Variants in FOXJ3 observed in about 807,000 individuals in gnomAD.
FOXJ3 encodes forkhead box J3.
In FOXJ3, 22 loss-of-function variants were observed where a neutral mutation model predicts 76.1. The ratio of observed to expected loss-of-function variants is 0.29; its 90% confidence interval spans 0.21 to 0.41. The LOEUF (loss-of-function observed/expected upper bound fraction) is 0.41. Among genes scored for constraint, FOXJ3 ranks in the 10% least tolerant of loss-of-function variants. The probability of loss-of-function intolerance (pLI) is 1.00; values close to 1 mark genes in which losing one functional copy is unlikely to be tolerated. For missense variants in FOXJ3, 613 were observed against 762.1 expected (o/e 0.80, Z 2.30); for synonymous variants, 269 against 261.2 (o/e 1.03, Z -0.29).
At chr1:42,331,830 A>C (rs537955418) in intron 1 of FOXJ3, among the ~76,000 whole-genome samples, 1 of 125,758 alleles carries the variant, frequency 8.0e-6, no homozygotes, top group Middle Eastern at 3.9e-3. Context: ...AAGCTTTTTT[A>C]AAAAAAAAAA....
intron 5 of FOXJ3, among the ~76,000 whole-genome samples, chr1:42,217,454 G>A (rs374173973): frequency 9.3e-4 from 141 of 152,144 alleles, no homozygotes; most frequent in African/African-American, 2.7e-3. Context: ...GCTTGCACCC[G>A]GGAGGCAGAG....
rs1646850211 is a variant in FOXJ3, at chr1:42,205,812, T to C, written c.580A>G (p.Ile194Val). The change falls in exon 6 of 13, where the codon ATT becomes GTT. Residue 194 changes from isoleucine to valine, a missense_variant. Ile to Val is a conservative substitution (Grantham distance 29, BLOSUM62 3). Around this residue, in one of 3 missense-constraint regions of FOXJ3, gnomAD observed 526 missense variants for 601.4 expected, o/e 0.87. Coordinates refer to ENST00000361346, the MANE Select transcript of FOXJ3 (RefSeq NM_014947.5). The part of the protein sequence containing the change: ...DSDSLGMECI[I>V]SGSASPTLAI... ...AGAGTTGGAGAGGCACTTCCCGAAA[T>C]AATACACTCCATTCCCAAAGAATCT... 3 of 1,612,430 alleles carry C rather than the reference T, an allele frequency of 1.9e-6. No individual in the cohort carries two copies. Among genetic ancestry groups the C allele is most frequent in the Non-Finnish European group, 2.5e-6 (3 of 1,178,548 alleles).
rs766467744 is a variant in FOXJ3 at position 42,189,395 on chromosome 1, T to C, written c.1361A>G (p.Asn454Ser). 5.6e-6 allele frequency: 9 copies of C among 1,608,274 alleles called. No homozygotes were observed. The South Asian group carries it at 8.8e-5, about 16-fold the overall frequency. ...CATATCAAGTGTCGCATACCAATCA[T>C]TTGAAACACCTATAAAATATTGACA... ...QQVSCNSGVSNDWYATLDMLK... is the reference protein window; with the variant it reads ...QQVSCNSGVSSDWYATLDMLK... The change falls in exon 10 of 13, where the codon AAT becomes AGT. Residue 454 changes from asparagine to serine, a missense_variant. Asn to Ser is a conservative substitution (Grantham distance 46, BLOSUM62 1). This residue lies in a region of FOXJ3 where 526 missense variants were observed against 601.4 expected (regional missense o/e 0.87). Transcript: ENST00000361346.
intron 6 of FOXJ3, among the ~76,000 whole-genome samples, chr1:42,200,158 G>A (rs1229974658): frequency 6.6e-6 from 1 of 152,000 alleles, no homozygotes; most frequent in Non-Finnish European, 1.5e-5. Flanking sequence ...CTGATACACT[G>A]TATGACCAGC....
chr1:42,275,013 A>T lies in FOXJ3; in HGVS notation c.369+3335T>A, dbSNP rs72952389. ...GGCGAGAAGTATATGAAAGGAAGGT[A>T]CAAAAAATAAAGCTGAAAAGGTAGA... On this transcript the variant is annotated intron_variant, in intron 3 of 12. Transcript: ENST00000361346. Among the ~76,000 whole-genome samples the T allele has an allele frequency of 4.2e-3, 636 of 152,324 alleles. 4 individuals carry two copies. The highest frequency in any genetic ancestry group is 0.015 in the African/African-American group (619 of 41,562).
chr1:42,252,899 G>A (rs1650218636), intron 4 of FOXJ3, among the ~76,000 whole-genome samples: 2 of 150,036 alleles, frequency 1.3e-5, no homozygotes, highest in Admixed American at 1.3e-4. Context: ...TTGAAAACTG[G>A]CACAAGACAG....
intron 4 of FOXJ3, among the ~76,000 whole-genome samples, chr1:42,234,163 T>G (rs1273923618): frequency 1.3e-5 from 2 of 152,224 alleles, no homozygotes; most frequent in African/African-American, 4.8e-5. Context: ...CTTCCATCAC[T>G]GATACCCTTT....
At chr1:42,278,111 T>A (rs1652429724) in intron 3 of FOXJ3, among the ~76,000 whole-genome samples, 1 of 152,108 alleles carries the variant, frequency 6.6e-6, no homozygotes. Flanking sequence ...AACGCTACAT[T>A]ATCCCCGCTC....
At chr1:42,225,047 G>C (rs569183988) in intron 5 of FOXJ3, among the ~76,000 whole-genome samples, 2 of 151,800 alleles carry the variant, frequency 1.3e-5, no homozygotes, top group East Asian at 3.9e-4. Flanking sequence ...CTGCACTCTA[G>C]CCTGGGTGAC....
At chr1:42,302,132 C>T (rs1410916235) in intron 2 of FOXJ3, among the ~76,000 whole-genome samples, 2 of 152,134 alleles carry the variant, frequency 1.3e-5, no homozygotes, top group Non-Finnish European at 2.9e-5. Flanking sequence ...CAGTGATGTA[C>T]TGGGCACGTG....
At position 42,262,067 on chromosome 1, in the gene FOXJ3, T is replaced by C. The variant is rs143650343; in HGVS notation, c.444+3048A>G. Among the ~76,000 whole-genome samples, 654 of 152,274 alleles carry C rather than the reference T, an allele frequency of 4.3e-3. 1 individual carries two copies. Among genetic ancestry groups the C allele is most frequent in the Non-Finnish European group, 8.0e-3 (543 of 68,010 alleles). On this transcript the variant is annotated intron_variant, in intron 4 of 12. Coordinates refer to ENST00000361346, the MANE Select transcript of FOXJ3 (RefSeq NM_014947.5). ...GACGGGGTGAACACCAGGCCTACTC[T>C]CTCTGTTAAGTGTTACTCAGCTGGT...
chr1:42,199,048 A>C (rs1374724396), intron 7 of FOXJ3, 54 bp downstream of exon 7: 10 of 1,391,908 alleles, frequency 7.2e-6, no homozygotes, highest in Non-Finnish European at 4.0e-6. Flanking sequence ...TGTTTGGTTT[A>C]GTTTTAAGTA....
chr1:42,328,272 G>T (rs778126902), intron 1 of FOXJ3, among the ~76,000 whole-genome samples: 3 of 152,170 alleles, frequency 2.0e-5, no homozygotes, highest in Non-Finnish European at 4.4e-5. Context: ...ACTCCAGCCT[G>T]GGTGACACAG....
rs1427813816 is a variant in FOXJ3, at chr1:42,226,361, C to A, written c.528+1522G>T. Among the ~76,000 whole-genome samples, 5 of 152,326 alleles carry A rather than the reference C, an allele frequency of 3.3e-5. No homozygotes were observed. In the East Asian group the frequency reaches 9.6e-4, roughly 29 times the overall value. ...GCACGGCGGGTCACGCCTGTAGTAC[C>A]AGCACTTTGAGAGGCCAAGGTGGGT... On this transcript the variant is annotated intron_variant, in intron 5 of 12. Transcript: ENST00000361346.
chr1:42,189,186 C>T, intron 10 of FOXJ3, 117 bp downstream of exon 10: 3 of 747,016 alleles, frequency 4.0e-6, no homozygotes, highest in Non-Finnish European at 6.5e-6. Flanking sequence ...ATTTTACCAA[C>T]TGCAAAAGAA....
rs1449764509 is a variant in FOXJ3, at chr1:42,237,935, CACACAT to C, written c.445-9975_445-9970del. 1.9e-3 allele frequency among the ~76,000 whole-genome samples: 271 copies of C among 142,186 alleles called. 1 individual carries two copies. Among genetic ancestry groups the C allele is most frequent in the African/African-American group, 6.3e-3 (243 of 38,564 alleles). The allele number at this position is 142,186 out of a possible 152,430, so 93.3% of individuals were successfully genotyped here. On this transcript the variant is annotated intron_variant, in intron 4 of 12. Transcript: ENST00000361346. ...ATACACACACACACACACACACACA[CACACAT>C]ATATATAGACACACACACATATATA...
chr1:42,252,034 T>C (rs1479358254), intron 4 of FOXJ3, among the ~76,000 whole-genome samples: 1 of 152,092 alleles, frequency 6.6e-6, no homozygotes, highest in Non-Finnish European at 1.5e-5. Context: ...CAGTATTTTA[T>C]TGAGGATTTT....
intron 6 of FOXJ3, 86 bp from the exon 7 acceptor site, chr1:42,199,316 C>A (rs1646714044): frequency 2.5e-6 from 3 of 1,185,816 alleles, no homozygotes; most frequent in South Asian, 1.4e-5. Flanking sequence ...AGGCATATGG[C>A]AAGAAGAAAA....
upstream of FOXJ3, chr1:42,335,747 A>C (rs1656457966): frequency 6.6e-6 from 1 of 152,274 alleles, no homozygotes; most frequent in East Asian, 1.9e-4. Flanking sequence ...CCCTCTTTTC[A>C]GAACTTCATG....
Sources: allele counts gnomAD v4.1 joint callset (sites outside exome capture counted in the v4.1 genomes callset), GRCh38; gene constraint gnomAD v4.1.1; regional missense constraint gnomAD v4.1.1; transcripts MANE v1.5; gene names NCBI Gene and HGNC (gene_info 2026-07-23, HGNC 2026-07-21).